The following BCL2 variants were observed in gnomAD, a reference collection of about 807,000 sequenced individuals.
BCL2 encodes the protein apoptosis regulator Bcl-2.
Under a neutral mutation model 14.2 loss-of-function variants are expected in BCL2, and 1 was observed. The ratio of observed to expected loss-of-function variants is 0.07; its 90% CI spans 0.02 to 0.33. The LOEUF (loss-of-function observed/expected upper bound fraction) is 0.33. BCL2 is among the 10% of genes least tolerant of loss of function. The probability of loss-of-function intolerance (pLI) is 0.99; values close to 1 mark genes in which losing one functional copy is unlikely to be tolerated. For missense variants in BCL2, 247 were observed against 305.9 expected (o/e 0.81, Z 1.44); for synonymous variants, 151 against 137.2 (o/e 1.10, Z -0.70).
intron 2 of BCL2, among the ~76,000 whole-genome samples, chr18:63,164,223 C>A (rs1914987848): frequency 6.6e-6 from 1 of 152,166 alleles, no homozygotes; most frequent in African/African-American, 2.4e-5. Flanking sequence ...GAGATTTGAA[C>A]CTCTGGGCAA....
rs1913938566 is a variant in BCL2 at position 63,127,361 on chromosome 18, T to C, written c.*1264A>G. ...CCCAGCCTTCACCATGTCCTTCTGA[T>C]AGGAAGGGCCCAGGGCCTCTGTTCC... On this transcript the variant is annotated 3_prime_UTR_variant, in exon 3 of 3. Transcript: ENST00000333681. 3 of 233,682 alleles carry C rather than the reference T, an allele frequency of 1.3e-5. No individual in the cohort carries two copies. The highest frequency in any genetic ancestry group is 2.5e-5 in the Non-Finnish European group (3 of 118,300). The allele number at this position is 233,682 out of a possible 1,614,324, so 14.5% of individuals were successfully genotyped here.
intron 2 of BCL2, among the ~76,000 whole-genome samples, chr18:63,156,666 T>C (rs1914791244): frequency 6.6e-6 from 1 of 152,148 alleles, no homozygotes; most frequent in Non-Finnish European, 1.5e-5. Context: ...AAACAGAAGC[T>C]TCTTTCAGAA....
chr18:63,177,657 G>T (rs1915380396), intron 2 of BCL2, among the ~76,000 whole-genome samples: 4 of 152,236 alleles, frequency 2.6e-5, no homozygotes. Context: ...TGATAGATCA[G>T]TATTTGTTGA....
At chr18:63,256,682 C>T (rs1315593962) in intron 2 of BCL2, among the ~76,000 whole-genome samples, 1 of 152,040 alleles carries the variant, frequency 6.6e-6, no homozygotes, top group Non-Finnish European at 1.5e-5. Context: ...AGACTAGGGG[C>T]ATGTGGCAAG....
intron 2 of BCL2, among the ~76,000 whole-genome samples, chr18:63,258,666 T>C (rs1911557428): frequency 6.6e-6 from 1 of 152,238 alleles, no homozygotes; most frequent in South Asian, 2.1e-4. Context: ...CCCAGATCCC[T>C]ATACACGGTC....
intron 2 of BCL2, among the ~76,000 whole-genome samples, chr18:63,213,000 C>A (rs1181868821): frequency 6.6e-6 from 1 of 152,196 alleles, no homozygotes; most frequent in African/African-American, 2.4e-5. Flanking sequence ...CACCTTTCCC[C>A]TAACTCATGT....
At chr18:63,228,100 C>A (rs1054877900) in intron 2 of BCL2, among the ~76,000 whole-genome samples, 3 of 152,304 alleles carry the variant, frequency 2.0e-5, no homozygotes, top group Non-Finnish European at 4.4e-5. Context: ...AAAGAAAAAT[C>A]TCTTCCTTCT....
chr18:63,147,612 G>T (rs1392594539), intron 2 of BCL2, among the ~76,000 whole-genome samples: 2 of 152,180 alleles, frequency 1.3e-5, no homozygotes, highest in Non-Finnish European at 2.9e-5. Context: ...GGCAGGGTTT[G>T]TAAAGTCCCA....
intron 2 of BCL2, among the ~76,000 whole-genome samples, chr18:63,293,135 G>A (rs1912701022): frequency 6.6e-6 from 1 of 152,210 alleles, no homozygotes; most frequent in Admixed American, 6.5e-5. Flanking sequence ...GCAGAGCCCA[G>A]CCAGGTTCTC....
intron 2 of BCL2, among the ~76,000 whole-genome samples, chr18:63,259,425 G>A (rs545835860): frequency 6.6e-6 from 1 of 152,258 alleles, no homozygotes; most frequent in Admixed American, 6.5e-5. Flanking sequence ...GCACCTTGCC[G>A]TTGGTTGGCA....
At chr18:63,294,874 A>G (rs1483815556) in intron 2 of BCL2, among the ~76,000 whole-genome samples, 1 of 151,946 alleles carries the variant, frequency 6.6e-6, no homozygotes, top group Non-Finnish European at 1.5e-5. Flanking sequence ...AAATAATTAT[A>G]ATTTGGCTGA....
chr18:63,145,435 C>T (rs957798889), intron 2 of BCL2, among the ~76,000 whole-genome samples: 6 of 152,208 alleles, frequency 3.9e-5, no homozygotes, highest in East Asian at 1.9e-4. Context: ...CCCACTGCCC[C>T]GTCACCTGCT....
chr18:63,155,725 A>G (rs2144612974), intron 2 of BCL2, among the ~76,000 whole-genome samples: 1 of 152,256 alleles, frequency 6.6e-6, no homozygotes, highest in South Asian at 2.1e-4. Flanking sequence ...GGGAAGAGAG[A>G]GGGAGGGCTG....
intron 2 of BCL2, among the ~76,000 whole-genome samples, chr18:63,250,611 TA>T (rs1911283410): frequency 6.6e-6 from 1 of 152,248 alleles, no homozygotes; most frequent in South Asian, 2.1e-4. Context: ...AGACAATTGA[TA>T]AACTCTAGGA....
intron 2 of BCL2, among the ~76,000 whole-genome samples, chr18:63,177,805 A>AAGCTGACT (rs1915384338): frequency 6.6e-6 from 1 of 152,136 alleles, no homozygotes; most frequent in Non-Finnish European, 1.5e-5. Context: ...TGAAGCTTCC[A>AAGCTGACT]AGCTGACTCT....
chr18:63,154,732 G>C (rs774880567), intron 2 of BCL2, among the ~76,000 whole-genome samples: 55 of 152,142 alleles, frequency 3.6e-4, no homozygotes, highest in Non-Finnish European at 6.0e-4. Flanking sequence ...AGGCTCACCA[G>C]TGAACTCACT....
intron 2 of BCL2, among the ~76,000 whole-genome samples, chr18:63,289,971 A>G (rs1912599964): frequency 6.6e-6 from 1 of 152,170 alleles, no homozygotes; most frequent in Non-Finnish European, 1.5e-5. Context: ...GAGAAACTGG[A>G]GCAGGTGAAT....
At chr18:63,161,261 C>T (rs913463787) in intron 2 of BCL2, among the ~76,000 whole-genome samples, 3 of 152,126 alleles carry the variant, frequency 2.0e-5, no homozygotes, top group Non-Finnish European at 2.9e-5. Context: ...CCCCTTGGAC[C>T]AATTTAGTAA....
At chr18:63,133,319 AT>A (rs34022610) in intron 2 of BCL2, among the ~76,000 whole-genome samples, 1,555 of 103,356 alleles carry the variant, frequency 0.015, 25 homozygotes, top group African/African-American at 0.054. Flanking sequence ...ACCTTCAAGA[AT>A]TTTTTTTTTT....
Sources: allele counts gnomAD v4.1 joint callset (sites outside exome capture counted in the v4.1 genomes callset), GRCh38; gene constraint gnomAD v4.1.1; transcripts MANE v1.5; gene names NCBI Gene and HGNC (gene_info 2026-07-23, HGNC 2026-07-21).